The following SAXO2 variants were observed in gnomAD, a reference collection of about 807,000 sequenced individuals.
SAXO2 encodes the protein family with sequence similarity 154, member B.
Under a neutral mutation model 18.7 loss-of-function variants are expected in SAXO2, and 17 were observed. The ratio of observed to expected loss-of-function variants is 0.91; its 90% CI spans 0.62 to 1.36. The LOEUF (loss-of-function observed/expected upper bound fraction) is 1.36, where lower values mean the gene tolerates loss of function less well. SAXO2 is among the 40% of genes most tolerant of loss of function. The pLI is 0.00. For synonymous variants in SAXO2, 163 were observed against 181.2 expected, an observed-to-expected ratio of 0.90 and a Z score of 0.81; for missense variants, 486 against 562.6, an observed-to-expected ratio of 0.86 and a Z score of 1.38.
chr15:82,269,700 G>C (rs1301818684), intron 2 of SAXO2, among the ~76,000 whole-genome samples: 2 of 152,212 alleles, frequency 1.3e-5, no homozygotes, highest in Non-Finnish European at 2.9e-5. Context: ...GTGCCATGTG[G>C]AGAAAAGATT....
Position 82,282,232 on chromosome 15 carries a change from C to A in SAXO2, c.547C>A (p.Pro183Thr). 1 of 1,614,166 alleles carries A rather than the reference C, an allele frequency of 6.2e-7. No individual in the cohort carries two copies. The highest frequency in any genetic ancestry group is 8.5e-7 in the Non-Finnish European group (1 of 1,180,014). The change falls in exon 4 of 4, where the codon CCT becomes ACT. Residue 183 changes from proline to threonine, a missense_variant. Pro to Thr is a conservative substitution (Grantham distance 38). Transcript: ENST00000682753. The stretch of plus-strand genomic sequence containing the variant: ...AACTACATTTCAGGATGATTTTGTT[C>A]CTCAGGAGATAAAGCCTAGGCAAAG... ...NSTTFQDDFV[P>T]QEIKPRQSFK... is the part of the protein sequence containing the mutation.
rs1966027 is a variant in SAXO2, at chr15:82,265,203, G to C, written c.54-366G>C. ...TCACCCAGGCTGGAGTGCAGTGGCA[G>C]GATCTTGGCTCACTGCAAGCTCCGC... is the stretch of plus-strand genomic sequence containing the variant. On this transcript the variant is annotated intron_variant, in intron 1 of 3. Transcript: ENST00000682753. Among the ~76,000 whole-genome samples, 1,423 of 152,206 alleles carry C rather than the reference G, an allele frequency of 9.3e-3. 22 individuals are homozygous for C. Among genetic ancestry groups the C allele is most frequent in the African/African-American group, 0.033 (1,380 of 41,522 alleles).
At position 82,263,513 on chromosome 15, in the gene SAXO2, C is replaced by G. The variant is rs1390153915; in HGVS notation, c.53+581C>G. 4.4e-6 allele frequency: 3 copies of G among 689,122 alleles called. No homozygotes were observed. The African/African-American group carries it at 5.3e-5, about 12-fold the overall frequency. The allele number at this position is 689,122 out of a possible 1,614,324, so 42.7% of individuals were successfully genotyped here. ...AACAACCTTCCATCACCTGTAAACA[C>G]AGTCCTCTCCTTCCTCAGCTTCACT... is the stretch of plus-strand genomic sequence containing the variant. On this transcript the variant is annotated intron_variant, in intron 1 of 3. Coordinates refer to ENST00000682753, the MANE Select transcript of SAXO2 (RefSeq NM_001348699.2).
At position 82,282,329 on chromosome 15, in the gene SAXO2, A is replaced by G. The variant is rs2075369605; in HGVS notation, c.644A>G (p.Tyr215Cys). The G allele has an allele frequency of 5.6e-6, 9 of 1,614,080 alleles. No individual in the cohort carries two copies. The highest frequency in any genetic ancestry group is 1.7e-5 in the Admixed American group (1 of 60,008). Residue 215 changes from tyrosine (Y) to cysteine (C), a missense_variant, in exon 4 of 4, where the codon TAT becomes TGT. Tyr to Cys is a radical substitution (Grantham distance 194). Transcript: ENST00000682753. ...GGTATTACAAGTCATCGCCTTGATT[A>G]TATACCTCATCAGCTTGAACTCAAG... is the stretch of plus-strand genomic sequence containing the variant. ...FNGITSHRLD[Y>C]IPHQLELKFE...
chr15:82,264,422 A>G (rs1011283783), intron 1 of SAXO2, among the ~76,000 whole-genome samples: 7 of 151,490 alleles, frequency 4.6e-5, no homozygotes, highest in Non-Finnish European at 7.4e-5. Context: ...CTATTCTACA[A>G]TCCGGTTTTT....
intron 3 of SAXO2, among the ~76,000 whole-genome samples, chr15:82,276,872 C>T (rs1266980473): frequency 6.6e-6 from 1 of 152,026 alleles, no homozygotes; most frequent in Non-Finnish European, 1.5e-5. Context: ...CAGATAGAAG[C>T]ATGAAATGCA....
At chr15:82,263,368 C>T in intron 1 of SAXO2, 1 of 775,520 alleles carries the variant, frequency 1.3e-6, no homozygotes, top group Admixed American at 2.0e-5. Flanking sequence ...GCTTTCTGTC[C>T]TCCCAGCCAG....
intron 3 of SAXO2, among the ~76,000 whole-genome samples, chr15:82,272,410 C>T (rs1466546716): frequency 6.6e-6 from 1 of 152,170 alleles, no homozygotes; most frequent in Admixed American, 6.5e-5. Context: ...CATAGGGGTC[C>T]TGCTCCTCTA....
chr15:82,273,348 C>T (rs2075288574), intron 3 of SAXO2, among the ~76,000 whole-genome samples: 1 of 151,960 alleles, frequency 6.6e-6, no homozygotes, highest in Admixed American at 6.5e-5. Context: ...TGGATATGTC[C>T]TAATATAAAA....
At chr15:82,282,056 T>G (rs2075365693) in intron 3 of SAXO2, 63 bp from the exon 4 acceptor site, 1 of 1,359,238 alleles carries the variant, frequency 7.4e-7, no homozygotes, top group African/African-American at 1.5e-5. Context: ...CAGTTATGAT[T>G]TTTAGAAGAT....
chr15:82,263,161 A>C (rs2075155384), intron 1 of SAXO2: 1 of 1,453,782 alleles, frequency 6.9e-7, no homozygotes, highest in African/African-American at 1.4e-5. Flanking sequence ...CCAATCAAGG[A>C]TGCAAAGTAA....
chr15:82,271,945 A>C, intron 3 of SAXO2, 143 bp downstream of exon 3: 1 of 650,786 alleles, frequency 1.5e-6, no homozygotes, highest in South Asian at 2.1e-5. Context: ...CTTTGGCAAA[A>C]TAGTATTGTA....
Position 82,262,879 on chromosome 15 carries a change from C to A in SAXO2, c.-1C>A. 6.3e-7 allele frequency: 1 copy of A among 1,595,136 alleles called. No individual in the cohort carries two copies. Among genetic ancestry groups the A allele is most frequent in the Non-Finnish European group, 8.5e-7 (1 of 1,171,044 alleles). On this transcript the variant is annotated 5_prime_UTR_variant, in exon 1 of 4. Transcript: ENST00000682753. The stretch of plus-strand genomic sequence containing the variant: ...AGTGCTGAGGCGCGGTGGAGGAAAG[C>A]ATGGGAGCCAAGAGTATGAGGAGCT...
Position 82,282,578 on chromosome 15 carries a change from A to G in SAXO2, c.893A>G (p.Tyr298Cys). Residue 298 changes from tyrosine (Y) to cysteine (C), a missense_variant, in exon 4 of 4, where the codon TAT becomes TGT. Coordinates refer to ENST00000682753, the MANE Select transcript of SAXO2 (RefSeq NM_001348699.2). ...CCTGAGGTCAAGAAAGTACCAGAGT[A>G]TGTGCCTCCTACAGGTAGCATGCTG... ...PPPEVKKVPE[Y>C]VPPTGSMLLN... is the part of the protein sequence containing the mutation. 1 of 1,614,176 alleles carries G rather than the reference A, an allele frequency of 6.2e-7. No homozygotes were observed. Among genetic ancestry groups the G allele is most frequent in the Non-Finnish European group, 8.5e-7 (1 of 1,180,004 alleles).
intron 2 of SAXO2, among the ~76,000 whole-genome samples, chr15:82,269,798 TATG>T (rs902877994): frequency 4.6e-5 from 7 of 152,166 alleles, no homozygotes; most frequent in Admixed American, 6.5e-5. Flanking sequence ...CTTTGCATAT[TATG>T]GTGGTGGCAG....
In SAXO2 at chr15:82,281,866, T is replaced by C. The variant is rs2075364498; in HGVS notation, c.434-253T>C. Among the ~76,000 whole-genome samples, 4 of 152,080 alleles carry C rather than the reference T, an allele frequency of 2.6e-5. No homozygotes were observed. The South Asian group carries it at 6.3e-4, about 24-fold the overall frequency. Reference sequence around the variant, plus strand: ...ATCAGGCTCAGATGTGCTTTTCCTTTGTTATGTAATCAGATGAATCTGAAA... The same window carrying C: ...ATCAGGCTCAGATGTGCTTTTCCTTCGTTATGTAATCAGATGAATCTGAAA... On this transcript the variant is annotated intron_variant, in intron 3 of 3. Transcript: ENST00000682753.
At chr15:82,270,616 A>C (rs2075262274) in intron 2 of SAXO2, among the ~76,000 whole-genome samples, 1 of 152,200 alleles carries the variant, frequency 6.6e-6, no homozygotes, top group Admixed American at 6.5e-5. Context: ...ATATTGGTTA[A>C]TACAAGATAG....
At chr15:82,271,556 G>T (rs759349039) in intron 2 of SAXO2, 47 bp from the exon 3 acceptor site, 2 of 1,443,370 alleles carry the variant, frequency 1.4e-6, no homozygotes, top group Non-Finnish European at 1.9e-6. Flanking sequence ...GAAATAATTA[G>T]GAATAAAAGA....
rs1567086394 is a variant in SAXO2, at chr15:82,264,067, G to GT, written c.53+1135_53+1136insT. ...TTAAGACTTGTTTTACATATGCATTGATTTTTTTTTTTTTTTTTTTTTGAG... is the reference window on the plus strand; with the variant it reads ...TTAAGACTTGTTTTACATATGCATTGTATTTTTTTTTTTTTTTTTTTTTGAG... On this transcript the variant is annotated intron_variant, in intron 1 of 3. Transcript: ENST00000682753. Among the ~76,000 whole-genome samples the GT allele has an allele frequency of 1.6e-4, 21 of 134,160 alleles. 2 individuals are homozygous for GT. Among genetic ancestry groups the GT allele is most frequent in the African/African-American group, 2.6e-4 (9 of 34,934 alleles). The allele number at this position is 134,160 out of a possible 152,430, so 88.0% of individuals were successfully genotyped here.
Sources: allele counts gnomAD v4.1 joint callset (sites outside exome capture counted in the v4.1 genomes callset), GRCh38; gene constraint gnomAD v4.1.1; transcripts MANE v1.5; gene names NCBI Gene and HGNC (gene_info 2026-07-23, HGNC 2026-07-21).